The following MEMO1 variants were observed in gnomAD, a reference collection of about 807,000 sequenced individuals.
MEMO1 encodes the protein mediator of cell motility 1, also known as protein MEMO1.
Under a neutral mutation model 45.2 loss-of-function variants are expected in MEMO1, and 6 were observed. That is an observed-to-expected ratio of 0.13 (90% CI 0.07 to 0.26). MEMO1 has a LOEUF of 0.26. MEMO1 is among the 10% of genes least tolerant of loss of function. MEMO1 has a pLI of 1.00. For missense variants in MEMO1, 184 were observed against 370.5 expected (o/e 0.50, Z 4.13); for synonymous variants, 78 against 124.3 (o/e 0.63, Z 2.48).
Position 31,898,350 on chromosome 2 carries a change from T to C in MEMO1, c.438-6216A>G, listed in dbSNP as rs1461102659. 2.0e-5 allele frequency among the ~76,000 whole-genome samples: 3 copies of C among 152,196 alleles called. No individual in the cohort carries two copies. The East Asian group carries it at 5.8e-4, about 29-fold the overall frequency. ...TCTCTCCCTCTTTCTCCTGTGGGCA[T>C]TTAGTGCTATAAATTTCCCTCTAAA... On this transcript the variant is annotated intron_variant, in intron 6 of 9. Transcript: ENST00000404530.
intron 6 of MEMO1, among the ~76,000 whole-genome samples, chr2:31,904,773 TAAAGGCAAAGTGATATA>T (rs1466019198): frequency 6.6e-6 from 1 of 152,206 alleles, no homozygotes. Context: ...AAACAGGTGT[TAAAGGCAAAGTGATATA>T]AAAGAATCAT....
chr2:31,917,695 T>A (rs1230448957), intron 6 of MEMO1, among the ~76,000 whole-genome samples: 1 of 152,204 alleles, frequency 6.6e-6, no homozygotes, highest in Non-Finnish European at 1.5e-5. Context: ...CACATACCCA[T>A]GGGTTTTTTA....
chr2:31,872,016 A>ACACACACACACACACACACAC (rs377508190), intron 8 of MEMO1, among the ~76,000 whole-genome samples: 1 of 143,218 alleles, frequency 7.0e-6, no homozygotes, highest in African/African-American at 2.6e-5. Flanking sequence ...TCTGTCTCAA[A>ACACACACACACACACACACAC]ACACACACAC....
chr2:31,889,917 A>T (rs1449935903), intron 7 of MEMO1, among the ~76,000 whole-genome samples: 1 of 152,122 alleles, frequency 6.6e-6, no homozygotes, highest in East Asian at 1.9e-4. Context: ...GAGTCTTTAA[A>T]ATTTTTGAGC....
chr2:31,966,732 CAA>C (rs758359349), intron 2 of MEMO1, among the ~76,000 whole-genome samples: 2 of 117,846 alleles, frequency 1.7e-5, no homozygotes, highest in Non-Finnish European at 1.8e-5. Context: ...GACTCTGTCT[CAA>C]AAAAAAAAAA....
rs969442741 is a variant in MEMO1 at position 31,949,923 on chromosome 2, A to T, written c.62-6540T>A. 2.6e-5 allele frequency among the ~76,000 whole-genome samples: 4 copies of T among 152,274 alleles called. No individual in the cohort carries two copies. The East Asian group carries it at 5.8e-4, about 22-fold the overall frequency. ...TATACCTGCTATGTACCCGCAAAAA[A>T]TAAAAATTAAAAATTAAAAAGATAC... is the stretch of plus-strand genomic sequence containing the variant. On this transcript the variant is annotated intron_variant, in intron 2 of 9. Transcript: ENST00000404530.
intron 4 of MEMO1, among the ~76,000 whole-genome samples, chr2:31,928,522 G>A (rs1280708740): frequency 1.4e-5 from 2 of 145,220 alleles, no homozygotes; most frequent in African/African-American, 2.6e-5. Context: ...ACTCCAGCCT[G>A]GGTGACAAAG....
At chr2:31,992,711 G>C (rs1165886052) in intron 2 of MEMO1, among the ~76,000 whole-genome samples, 1 of 152,190 alleles carries the variant, frequency 6.6e-6, no homozygotes, top group Non-Finnish European at 1.5e-5. Context: ...TCGAACCCAG[G>C]AGATGGAGGG....
At chr2:31,981,258 A>G (rs1670606226) in intron 2 of MEMO1, among the ~76,000 whole-genome samples, 5 of 152,218 alleles carry the variant, frequency 3.3e-5, no homozygotes, top group Admixed American at 3.3e-4. Flanking sequence ...TAAAGTAGTT[A>G]GAGCTCCCTG....
At chr2:31,881,903 G>C (rs1016743065) in intron 8 of MEMO1, among the ~76,000 whole-genome samples, 1 of 152,180 alleles carries the variant, frequency 6.6e-6, no homozygotes, top group African/African-American at 2.4e-5. Flanking sequence ...CAGGACTTTT[G>C]AGAGGCTGAG....
intron 3 of MEMO1, among the ~76,000 whole-genome samples, chr2:31,935,524 T>C (rs1215913153): frequency 6.6e-6 from 1 of 152,040 alleles, no homozygotes; most frequent in Non-Finnish European, 1.5e-5. Flanking sequence ...GAAAAGGTCT[T>C]AACTTCGAGG....
At chr2:31,899,521 T>C (rs760477083) in intron 6 of MEMO1, among the ~76,000 whole-genome samples, 3 of 152,180 alleles carry the variant, frequency 2.0e-5, no homozygotes, top group African/African-American at 7.2e-5. Flanking sequence ...TTACACCTTA[T>C]ACAAAAATTA....
intron 8 of MEMO1, among the ~76,000 whole-genome samples, chr2:31,877,027 T>C (rs1674665244): frequency 6.6e-6 from 1 of 152,204 alleles, no homozygotes; most frequent in South Asian, 2.1e-4. Flanking sequence ...ACCAACTTTA[T>C]CACTTCCCTA....
intron 2 of MEMO1, among the ~76,000 whole-genome samples, chr2:31,975,952 T>G (rs181488376): frequency 6.6e-6 from 1 of 152,298 alleles, no homozygotes; most frequent in African/African-American, 2.4e-5. Context: ...TGGAATACAG[T>G]GGCACAATCT....
chr2:31,972,176 C>G (rs1321172499), intron 2 of MEMO1, among the ~76,000 whole-genome samples: 1 of 152,130 alleles, frequency 6.6e-6, no homozygotes, highest in African/African-American at 2.4e-5. Context: ...GAGAGATGGT[C>G]TGGTGGTCTG....
chr2:31,998,973 C>T (rs1470394132), intron 2 of MEMO1, among the ~76,000 whole-genome samples: 1 of 152,190 alleles, frequency 6.6e-6, no homozygotes, highest in East Asian at 1.9e-4. Flanking sequence ...AAACTTGTTC[C>T]TCTTAGATCT....
chr2:31,999,490 C>T (rs1329456737), intron 2 of MEMO1, among the ~76,000 whole-genome samples: 1 of 151,948 alleles, frequency 6.6e-6, no homozygotes, highest in South Asian at 2.1e-4. Flanking sequence ...TAGTGAGACC[C>T]GCCCCCCCAT....
At chr2:31,899,057 C>T (rs776832295) in intron 6 of MEMO1, among the ~76,000 whole-genome samples, 2 of 152,124 alleles carry the variant, frequency 1.3e-5, no homozygotes, top group Non-Finnish European at 2.9e-5. Flanking sequence ...AATGGAAAAA[C>T]ATCCCACGCT....
At chr2:31,885,730 AT>A (rs1272474771) in intron 7 of MEMO1, among the ~76,000 whole-genome samples, 1 of 152,212 alleles carries the variant, frequency 6.6e-6, no homozygotes, top group African/African-American at 2.4e-5. Flanking sequence ...GCTTCTGGAA[AT>A]AGCTGTTAGT....
Sources: allele counts gnomAD v4.1 joint callset (sites outside exome capture counted in the v4.1 genomes callset), GRCh38; gene constraint gnomAD v4.1.1; transcripts MANE v1.5; gene names NCBI Gene and HGNC (gene_info 2026-07-23, HGNC 2026-07-21).